ACSM3: variants seen among roughly 807,000 people sequenced by gnomAD.
The protein encoded by ACSM3 is acyl-coenzyme A synthetase ACSM3, mitochondrial.
ACSM3 carries 61 observed loss-of-function variants against 74.1 expected under a neutral mutation model. The observed-to-expected ratio is 0.82, with a 90% CI of 0.67 to 1.02. The LOEUF (loss-of-function observed/expected upper bound fraction) is 1.02, where lower values mean the gene tolerates loss of function less well. ACSM3 is among the 50% of genes least tolerant of loss of function. ACSM3 has a pLI of 0.00. For missense variants in ACSM3, 660 were observed against 697.0 expected (o/e 0.95, Z 0.60); for synonymous variants, 213 against 241.5 (o/e 0.88, Z 1.09).
At chr16:20,791,937 A>T in intron 10 of ACSM3, 65 bp from the exon 11 acceptor site, 2 of 1,582,146 alleles carry the variant, frequency 1.3e-6, no homozygotes, top group Non-Finnish European at 1.7e-6. Flanking sequence ...GAAAAAAAAA[A>T]AAAAATTCCA....
At chr16:20,679,820 A>G (rs143727746) in intron 1 of ACSM3, 16 of 152,346 alleles carry the variant, frequency 1.1e-4, no homozygotes, top group Admixed American at 6.5e-4. Context: ...CTCTTACCCT[A>G]TGAATTCTGG....
intron 1 of ACSM3, among the ~76,000 whole-genome samples, chr16:20,747,044 T>TTCCAAAGTAA (rs1328691262): frequency 2.0e-5 from 3 of 152,100 alleles, no homozygotes; most frequent in Admixed American, 1.3e-4. Flanking sequence ...ATAATCTATG[T>TTCCAAAGTAA]TCCAAAGTAA....
At chr16:20,704,963 T>G (rs2079722748) in intron 1 of ACSM3, among the ~76,000 whole-genome samples, 1 of 152,214 alleles carries the variant, frequency 6.6e-6, no homozygotes, top group South Asian at 2.1e-4. Flanking sequence ...ATTGTAGGGC[T>G]TTCACTTCAA....
At chr16:20,729,297 T>C (rs2079818134) in intron 1 of ACSM3, 8 of 1,441,640 alleles carry the variant, frequency 5.5e-6, no homozygotes, top group Non-Finnish European at 6.8e-6. Flanking sequence ...AGAGGAATGA[T>C]GGACAGTGAT....
chr16:20,796,284 G>A, intron 12 of ACSM3, 86 bp from the exon 13 acceptor site: 15 of 1,547,286 alleles, frequency 9.7e-6, no homozygotes, highest in Non-Finnish European at 1.3e-5. Context: ...CACCAGGCAT[G>A]TAGATTCTCA....
At chr16:20,741,606 C>T in intron 1 of ACSM3, 6 of 1,573,472 alleles carry the variant, frequency 3.8e-6, no homozygotes, top group Non-Finnish European at 5.2e-6. Flanking sequence ...GATGAGGATG[C>T]CCTGTAGCCC....
chr16:20,726,074 T>C (rs2079804708), intron 1 of ACSM3, among the ~76,000 whole-genome samples: 1 of 152,094 alleles, frequency 6.6e-6, no homozygotes. Flanking sequence ...CAACTGGACA[T>C]TTTTCCAGGA....
rs1162600437 is a variant in ACSM3, at chr16:20,736,396, AC to A, written c.-189-13513del. 9.6e-3 allele frequency: 1,458 copies of A among 152,230 alleles called. 6 individuals carry two copies. Among genetic ancestry groups the A allele is most frequent in the Non-Finnish European group, 0.017 (1,137 of 68,324 alleles). 9.4% of individuals were successfully genotyped at this position (152,230 alleles called of 1,614,324 possible). On this transcript the variant is annotated intron_variant, in intron 1 of 3. Transcript: ENST00000561584. ...CAAATGTTAAAAAAAAAAAAAAAAAACAGACATAAACAAGAAAATCACAAAA... is the reference window on the plus strand; with the variant it reads ...CAAATGTTAAAAAAAAAAAAAAAAAAAGACATAAACAAGAAAATCACAAAA...
chr16:20,682,046 C>G (rs2079456544), intron 1 of ACSM3: 2 of 525,188 alleles, frequency 3.8e-6, no homozygotes, highest in Non-Finnish European at 6.9e-6. Flanking sequence ...GTAAGCTTCC[C>G]CCTGCACAGA....
chr16:20,680,660 GC>G (rs2079424569), intron 1 of ACSM3: 1 of 152,224 alleles, frequency 6.6e-6, no homozygotes, highest in African/African-American at 2.4e-5. Context: ...GAAATAACCT[GC>G]CTAGGGCAAC....
intron 1 of ACSM3, among the ~76,000 whole-genome samples, chr16:20,738,520 C>T (rs2079890574): frequency 6.6e-6 from 1 of 152,124 alleles, no homozygotes; most frequent in East Asian, 1.9e-4. Flanking sequence ...TAGTTGACCA[C>T]ACTGAAAAAC....
chr16:20,788,481 T>A (rs893497654), intron 9 of ACSM3, among the ~76,000 whole-genome samples: 1 of 152,148 alleles, frequency 6.6e-6, no homozygotes, highest in African/African-American at 2.4e-5. Context: ...AAAACAGTAC[T>A]TTTTCTGCAT....
intron 1 of ACSM3, chr16:20,741,481 G>GGGGGGGGGGCCCCCCCCCCCCCCCCCC: frequency 7.6e-7 from 1 of 1,308,410 alleles, no homozygotes; most frequent in Non-Finnish European, 9.9e-7. Context: ...CTGGCAGCCG[G>GGGGGGGGGGCCCCCCCCCCCCCCCCCC]CCCGCCCGCC....
At chr16:20,771,244 A>G (rs2080189797) in intron 2 of ACSM3, among the ~76,000 whole-genome samples, 1 of 152,134 alleles carries the variant, frequency 6.6e-6, no homozygotes, top group Admixed American at 6.5e-5. Flanking sequence ...TATTTTTAGT[A>G]GAGACAGGGT....
At chr16:20,759,416 C>T (rs371784414), upstream of ACSM3, among the ~76,000 whole-genome samples, 1 of 151,868 alleles carries the variant, frequency 6.6e-6, no homozygotes, top group Admixed American at 6.6e-5. Context: ...AAAAATTAGC[C>T]AAGTGTGGTG....
At chr16:20,685,323 C>A in intron 1 of ACSM3, 1 of 1,614,212 alleles carries the variant, frequency 6.2e-7, no homozygotes, top group Non-Finnish European at 8.5e-7. Flanking sequence ...TTAGGTCTCC[C>A]ATCTCTCTGA....
At chr16:20,723,118 G>A (rs150740713) in intron 1 of ACSM3, among the ~76,000 whole-genome samples, 3 of 152,010 alleles carry the variant, frequency 2.0e-5, no homozygotes, top group Non-Finnish European at 2.9e-5. Flanking sequence ...CCACCTATGA[G>A]TAAGAACATG....
Position 20,785,049 on chromosome 16 carries a change from A to G in ACSM3, c.1085A>G (p.Glu362Gly). ...AGEPITPDVT[E>G]KWRNKTGLDI... The stretch of plus-strand genomic sequence containing the variant: ...GAACCAATTACCCCTGACGTGACTG[A>G]AAAATGGAGAAACAAGACGGGCCTG... The change falls in exon 8 of 14, where the codon GAA becomes GGA. Residue 362 changes from glutamate (E) to glycine (G), a missense_variant. Physicochemically the swap from Glu to Gly is moderately conservative, Grantham distance 98 (BLOSUM62 -2). Transcript: ENST00000289416. 6.2e-7 allele frequency: 1 copy of G among 1,613,424 alleles called. No individual in the cohort carries two copies. Among genetic ancestry groups the G allele is most frequent in the Non-Finnish European group, 8.5e-7 (1 of 1,179,536 alleles).
intron 1 of ACSM3, among the ~76,000 whole-genome samples, chr16:20,720,099 C>T (rs188481593): frequency 1.2e-4 from 18 of 152,108 alleles, no homozygotes; most frequent in African/African-American, 1.7e-4. Context: ...AGGCAGAAGT[C>T]CCCCAGCCTT....
Sources: allele counts gnomAD v4.1 joint callset (sites outside exome capture counted in the v4.1 genomes callset), GRCh38; gene constraint gnomAD v4.1.1; transcripts MANE v1.5; gene names NCBI Gene and HGNC (gene_info 2026-07-23, HGNC 2026-07-21).